The following CDC73 variants were observed in gnomAD, a reference collection of about 807,000 sequenced individuals.
CDC73 encodes the protein parafibromin.
In CDC73, 21 loss-of-function variants were observed where a neutral mutation model predicts 83.7. The observed-to-expected ratio is 0.25, with a 90% confidence interval of 0.18 to 0.36. The LOEUF is 0.36. Among genes scored for constraint, CDC73 ranks in the 10% least tolerant of loss-of-function variants. The pLI is 1.00. For missense variants in CDC73, 342 were observed against 653.3 expected (o/e 0.52, Z 5.19); for synonymous variants, 224 against 212.9 (o/e 1.05, Z -0.45).
chr1:193,136,562 C>T (rs750748026), intron 5 of CDC73: 3 of 216,018 alleles, frequency 1.4e-5, no homozygotes, highest in Admixed American at 1.3e-4. Flanking sequence ...TAGTACTGTG[C>T]ATATCATCTA....
chr1:193,149,856 C>T (rs75925764), intron 8 of CDC73, among the ~76,000 whole-genome samples: 2,650 of 152,104 alleles, frequency 0.017, 39 homozygotes, highest in South Asian at 0.051. Flanking sequence ...AAAAAAAATA[C>T]GTCTTCAGTC....
chr1:193,172,719 C>G (rs1246261383), intron 10 of CDC73, among the ~76,000 whole-genome samples: 1 of 152,114 alleles, frequency 6.6e-6, no homozygotes, highest in Non-Finnish European at 1.5e-5. Context: ...TCCTTTTTCC[C>G]TCTTCCTTTT....
intron 14 of CDC73, among the ~76,000 whole-genome samples, chr1:193,234,724 A>G (rs995711651): frequency 6.6e-6 from 1 of 152,012 alleles, no homozygotes; most frequent in African/African-American, 2.4e-5. Flanking sequence ...TGTCCAGCAA[A>G]TTCCCTTTGC....
At chr1:193,129,640 G>A (rs1461519993) in intron 2 of CDC73, among the ~76,000 whole-genome samples, 1 of 151,734 alleles carries the variant, frequency 6.6e-6, no homozygotes, top group African/African-American at 2.4e-5. Flanking sequence ...AGCTTCCTGA[G>A]CAGCTGGGAT....
intron 10 of CDC73, among the ~76,000 whole-genome samples, chr1:193,203,020 A>G (rs188085408): frequency 5.3e-5 from 8 of 152,230 alleles, no homozygotes; most frequent in African/African-American, 1.4e-4. Context: ...TTATGAATTC[A>G]TAGTTATGAA....
At chr1:193,212,222 T>A in intron 12 of CDC73, 122 bp downstream of exon 12, 1 of 905,866 alleles carries the variant, frequency 1.1e-6, no homozygotes, top group South Asian at 1.5e-5. Flanking sequence ...TCTGATTTAT[T>A]AGTGCCCAAG....
chr1:193,140,943 C>A (rs1675895922), intron 6 of CDC73: 2 of 152,166 alleles, frequency 1.3e-5, no homozygotes, highest in Admixed American at 6.5e-5. Flanking sequence ...CAGTATTACA[C>A]AAAATGCATC....
intron 3 of CDC73, among the ~76,000 whole-genome samples, chr1:193,133,077 A>G (rs1389301704): frequency 1.3e-5 from 2 of 151,392 alleles, no homozygotes; most frequent in Non-Finnish European, 2.9e-5. Flanking sequence ...AACTTTTTGT[A>G]TTTTTAGTAG....
At chr1:193,231,173 A>G (rs1026872876) in intron 13 of CDC73, among the ~76,000 whole-genome samples, 6 of 152,180 alleles carry the variant, frequency 3.9e-5, no homozygotes, top group African/African-American at 1.2e-4. Flanking sequence ...AATTTTGTTT[A>G]TAAGTTTATA....
At chr1:193,153,089 C>A (rs536437565) in intron 10 of CDC73, among the ~76,000 whole-genome samples, 1 of 152,156 alleles carries the variant, frequency 6.6e-6, no homozygotes, top group Admixed American at 6.6e-5. Flanking sequence ...AATGTAATGT[C>A]TTTCGCTCTT....
Position 193,209,861 on chromosome 1 carries a change from C to T in CDC73, c.1031-2204C>T, listed in dbSNP as rs556927204. 3.9e-5 allele frequency among the ~76,000 whole-genome samples: 6 copies of T among 152,212 alleles called. No individual in the cohort carries two copies. The East Asian group carries it at 1.2e-3, about 29-fold the overall frequency. ...ATTTCTCCCTTGCTCTCTCTTTCTTCTTCCCTCTCTTCCTCTCCCCCCTCT... is the reference window on the plus strand; with the variant it reads ...ATTTCTCCCTTGCTCTCTCTTTCTTTTTCCCTCTCTTCCTCTCCCCCCTCT... On this transcript the variant is annotated intron_variant, in intron 11 of 16. Coordinates refer to ENST00000367435, the MANE Select transcript of CDC73 (RefSeq NM_024529.5).
chr1:193,191,163 G>A (rs1159799912), intron 10 of CDC73, among the ~76,000 whole-genome samples: 3 of 152,184 alleles, frequency 2.0e-5, no homozygotes, highest in Admixed American at 6.5e-5. Flanking sequence ...TACAGTGAGG[G>A]AAGCTTGTAC....
At chr1:193,148,970 A>G (rs922134090) in intron 8 of CDC73, among the ~76,000 whole-genome samples, 4 of 152,184 alleles carry the variant, frequency 2.6e-5, no homozygotes, top group Non-Finnish European at 4.4e-5. Context: ...GAAATGTATT[A>G]GAGTACTAAT....
At chr1:193,211,750 T>G (rs974988548) in intron 11 of CDC73, among the ~76,000 whole-genome samples, 2 of 152,174 alleles carry the variant, frequency 1.3e-5, no homozygotes, top group African/African-American at 4.8e-5. Flanking sequence ...GCAGTTTCAG[T>G]CTTGTGAATT....
chr1:193,160,876 C>T (rs895284052), intron 10 of CDC73, among the ~76,000 whole-genome samples: 2 of 151,830 alleles, frequency 1.3e-5, no homozygotes, highest in East Asian at 1.9e-4. Flanking sequence ...GGAACTTTTC[C>T]ATTGGCTATT....
chr1:193,213,901 A>G (rs1336794369), intron 13 of CDC73, among the ~76,000 whole-genome samples: 1 of 152,188 alleles, frequency 6.6e-6, no homozygotes, highest in Admixed American at 6.5e-5. Flanking sequence ...TGGGTAGTAT[A>G]AATTCAAATT....
At chr1:193,134,200 A>G (rs1675746539) in intron 3 of CDC73, among the ~76,000 whole-genome samples, 2 of 152,050 alleles carry the variant, frequency 1.3e-5, no homozygotes, top group Admixed American at 6.6e-5. Context: ...TTGCCATTAT[A>G]TATAATATCT....
Position 193,251,499 on chromosome 1 carries a change from C to G in CDC73, c.*787C>G. 1 of 231,970 alleles carries G rather than the reference C, an allele frequency of 4.3e-6. No individual in the cohort carries two copies. Among genetic ancestry groups the G allele is most frequent in the Non-Finnish European group, 8.6e-6 (1 of 116,954 alleles). 14.4% of individuals were successfully genotyped at this position (231,970 alleles called of 1,614,324 possible). ...GGAAGAATATGTATCAGCCCTATTG[C>G]AGTATAACTTTAAGCTCCTTTTCTC... On this transcript the variant is annotated 3_prime_UTR_variant, in exon 17 of 17. Transcript: ENST00000367435.
intron 10 of CDC73, among the ~76,000 whole-genome samples, chr1:193,178,344 A>G (rs1180622950): frequency 2.0e-5 from 3 of 152,236 alleles, no homozygotes; most frequent in Non-Finnish European, 2.9e-5. Context: ...TTGAAACTTG[A>G]GATAGGAAGA....
Sources: gnomAD v4.1 joint callset for allele counts (sites outside exome capture counted in the v4.1 genomes callset) on GRCh38, gnomAD v4.1.1 for gene constraint, MANE v1.5 for transcripts, NCBI Gene and HGNC (gene_info 2026-07-23, HGNC 2026-07-21) for gene names.